NEK7: variants seen among roughly 807,000 people sequenced by gnomAD.
NEK7 encodes the protein NIMA related kinase 7.
In NEK7, 18 loss-of-function variants were observed where a neutral mutation model predicts 44.6. That is an observed-to-expected ratio of 0.40 (90% CI 0.28 to 0.60). The LOEUF (loss-of-function observed/expected upper bound fraction) is 0.60. NEK7 is among the 20% of genes least tolerant of loss of function. The probability of loss-of-function intolerance (pLI) is 0.38; values close to 1 mark genes in which losing one functional copy is unlikely to be tolerated. For missense variants in NEK7, 256 were observed against 366.5 expected (o/e 0.70, Z 2.46); for synonymous variants, 130 against 121.1 (o/e 1.07, Z -0.48).
Position 198,225,293 on chromosome 1 carries a change from C to CAT in NEK7, c.-28-7252_-28-7251dup, listed in dbSNP as rs1157296554. ...AAATTCAGGTCTTGGAGCACTCCAG[C>CAT]ATATATATAAGTTAAATAGAAAAGG... On this transcript the variant is annotated intron_variant, in intron 1 of 9. Coordinates refer to ENST00000367385, the MANE Select transcript of NEK7 (RefSeq NM_133494.3). Among the ~76,000 whole-genome samples, 3 of 149,434 alleles carry CAT rather than the reference C, an allele frequency of 2.0e-5. No individual in the cohort carries two copies. The East Asian group carries it at 5.9e-4, about 29-fold the overall frequency.
intron 1 of NEK7, among the ~76,000 whole-genome samples, chr1:198,180,887 T>C (rs538280003): frequency 6.6e-6 from 1 of 152,244 alleles, no homozygotes; most frequent in African/African-American, 2.4e-5. Context: ...GGAAAAACTG[T>C]CTATAAAATG....
Position 198,232,987 on chromosome 1 carries a change from G to A in NEK7, c.57+350G>A, listed in dbSNP as rs142402934. On this transcript the variant is annotated intron_variant, in intron 2 of 9. Coordinates refer to ENST00000367385, the MANE Select transcript of NEK7 (RefSeq NM_133494.3). Reference sequence around the variant, plus strand: ...TTAAAATATTGTTTGATAATGCTTAGTTCCCATTTACAAACATGAAAACAA... The same window carrying A: ...TTAAAATATTGTTTGATAATGCTTAATTCCCATTTACAAACATGAAAACAA... 3.1e-3 allele frequency among the ~76,000 whole-genome samples: 477 copies of A among 151,506 alleles called. 1 individual carries two copies. The highest frequency in any genetic ancestry group is 5.8e-3 in the Non-Finnish European group (391 of 67,924).
intron 8 of NEK7, among the ~76,000 whole-genome samples, chr1:198,295,406 C>T (rs1207225233): frequency 2.0e-5 from 3 of 152,062 alleles, no homozygotes; most frequent in East Asian, 3.9e-4. Flanking sequence ...TTCTAGCGAT[C>T]GTCTCAGTGT....
intron 1 of NEK7, among the ~76,000 whole-genome samples, chr1:198,205,961 A>G (rs1306943515): frequency 1.3e-5 from 2 of 152,272 alleles, no homozygotes; most frequent in East Asian, 3.9e-4. Context: ...GAGGAGGGAA[A>G]GAAGAAAGCA....
intron 1 of NEK7, among the ~76,000 whole-genome samples, chr1:198,222,190 GTTTTAC>G (rs953956874): frequency 1.3e-5 from 2 of 151,928 alleles, no homozygotes; most frequent in African/African-American, 4.8e-5. Context: ...TAAGAAGATT[GTTTTAC>G]TTTAATGTGT....
At chr1:198,237,195 C>T (rs1479039837) in intron 2 of NEK7, among the ~76,000 whole-genome samples, 1 of 152,168 alleles carries the variant, frequency 6.6e-6, no homozygotes, top group Non-Finnish European at 1.5e-5. Context: ...GAGAAGGTGA[C>T]ACTTAACAGT....
intron 3 of NEK7, among the ~76,000 whole-genome samples, chr1:198,260,274 C>T (rs575582269): frequency 8.1e-4 from 123 of 152,028 alleles, no homozygotes; most frequent in African/African-American, 2.2e-3. Context: ...ATTTTTTTAA[C>T]CCCTGCTATT....
intron 1 of NEK7, among the ~76,000 whole-genome samples, chr1:198,214,553 A>G (rs1558059750): frequency 6.6e-6 from 1 of 152,258 alleles, no homozygotes; most frequent in Non-Finnish European, 1.5e-5. Flanking sequence ...AAGTTTTAAC[A>G]ATAGACTAGA....
chr1:198,244,315 T>A (rs1442074129), intron 2 of NEK7, among the ~76,000 whole-genome samples: 1 of 152,116 alleles, frequency 6.6e-6, no homozygotes, highest in African/African-American at 2.4e-5. Flanking sequence ...ACTATTGAGT[T>A]CATGCTGTGA....
At chr1:198,217,788 A>G (rs1227259205) in intron 1 of NEK7, among the ~76,000 whole-genome samples, 1 of 147,102 alleles carries the variant, frequency 6.8e-6, no homozygotes, top group Non-Finnish European at 1.5e-5. Flanking sequence ...TACACCAACA[A>G]TGAACAGGTT....
chr1:198,188,332 C>T (rs1045423385), intron 1 of NEK7, among the ~76,000 whole-genome samples: 2 of 152,138 alleles, frequency 1.3e-5, no homozygotes, highest in African/African-American at 4.8e-5. Context: ...GAAAGCAAGG[C>T]AGTTTTTTAA....
chr1:198,232,014 CT>C (rs944062363), intron 1 of NEK7, among the ~76,000 whole-genome samples: 26 of 152,148 alleles, frequency 1.7e-4, no homozygotes, highest in African/African-American at 6.3e-4. Context: ...TACCTTCAGC[CT>C]ATGTATACTG....
chr1:198,192,247 G>T (rs2102769254), intron 1 of NEK7, among the ~76,000 whole-genome samples: 1 of 146,596 alleles, frequency 6.8e-6, no homozygotes, highest in South Asian at 2.2e-4. Flanking sequence ...TAGTTATGCT[G>T]CTCTGTAATT....
chr1:198,252,910 T>G, intron 2 of NEK7, 130 bp from the exon 3 acceptor site: 3 of 700,156 alleles, frequency 4.3e-6, no homozygotes, highest in Non-Finnish European at 7.3e-6. Flanking sequence ...CAGTAAATAT[T>G]TGTTGTTGAG....
rs1394202681 is a variant in NEK7, at chr1:198,321,272, G to T, written c.*1750G>T. The T allele has an allele frequency of 2.0e-5, 3 of 152,142 alleles. No homozygotes were observed. Among genetic ancestry groups the T allele is most frequent in the Admixed American group, 1.3e-4 (2 of 15,274 alleles). The allele number at this position is 152,142 out of a possible 1,614,324, so 9.4% of individuals were successfully genotyped here. A position where few individuals can be genotyped will look rare whatever the true frequency, so the allele number is the denominator to read the frequency against. ...GAAGGGTAATTTTATTTTGGAATAG[G>T]TAAAGGAAACCTGTTTTGTTTGTTT... On this transcript the variant is annotated 3_prime_UTR_variant, in exon 10 of 10. Coordinates refer to ENST00000367385, the MANE Select transcript of NEK7 (RefSeq NM_133494.3).
intron 2 of NEK7, among the ~76,000 whole-genome samples, chr1:198,239,229 T>C (rs1666620228): frequency 2.0e-5 from 3 of 152,216 alleles, no homozygotes; most frequent in Non-Finnish European, 4.4e-5. Context: ...TGAATTCTTA[T>C]TACTTTTAAG....
chr1:198,315,001 C>CAA (rs1655312470), intron 9 of NEK7, among the ~76,000 whole-genome samples: 2 of 152,206 alleles, frequency 1.3e-5, no homozygotes, highest in Non-Finnish European at 1.5e-5. Context: ...CCTAAGCACG[C>CAA]CTGGGCAATG....
At chr1:198,317,884 T>TTA (rs1553258437) in intron 9 of NEK7, among the ~76,000 whole-genome samples, 19 of 143,302 alleles carry the variant, frequency 1.3e-4, no homozygotes, top group African/African-American at 4.3e-4. Flanking sequence ...TTTATTTTTT[T>TTA]TTTTTTTTTT....
chr1:198,312,786 G>A (rs1655231473), intron 9 of NEK7, among the ~76,000 whole-genome samples: 1 of 151,664 alleles, frequency 6.6e-6, no homozygotes, highest in Admixed American at 6.6e-5. Flanking sequence ...TAGTTTGATT[G>A]CACTGTGGTC....
Sources: allele counts gnomAD v4.1 joint callset (sites outside exome capture counted in the v4.1 genomes callset), GRCh38; gene constraint gnomAD v4.1.1; transcripts MANE v1.5; gene names NCBI Gene and HGNC (gene_info 2026-07-23, HGNC 2026-07-21).